Variants in PAQR7 observed in about 807,000 individuals in gnomAD.
PAQR7 encodes the protein progestin and adipoQ receptor family member 7, also known as membrane progestin receptor alpha.
In PAQR7, 14 loss-of-function variants were observed where a neutral mutation model predicts 24.6. The ratio of observed to expected loss-of-function variants is 0.57; its 90% CI spans 0.38 to 0.89. The LOEUF (loss-of-function observed/expected upper bound fraction) is 0.89, where lower values mean the gene tolerates loss of function less well. Ranked by LOEUF, PAQR7 falls within the 40% of genes least tolerant of loss-of-function variation. PAQR7 has a pLI of 0.00. For synonymous variants in PAQR7, 189 were observed against 198.8 expected (o/e 0.95, Z 0.42); for missense variants, 351 against 444.0 (o/e 0.79, Z 1.88).
In PAQR7 at chr1:25,863,239, G is replaced by T; in HGVS notation, c.601C>A (p.Leu201Met). ...GGCACCTCCTGGCATGTGCGGCCCA[G>T]CAGGCCTGGTTTCTGGATGTACTTG... ...YNKYIQKPGL[L>M]GRTCQEVPSV... Residue 201 changes from leucine to methionine, a missense_variant, in exon 3 of 3, where the codon CTG (leucine) becomes ATG (methionine). Transcript: ENST00000675840. The surrounding 1 kb of genome is among the most constrained non-coding windows in gnomAD (Gnocchi z 6.1). 6.2e-7 allele frequency: 1 copy of T among 1,614,252 alleles called. No homozygotes were observed.
rs536655473 is a variant in PAQR7, at chr1:25,862,012, CAAAAAAAAAAAAAAAA to C, written c.*771_*786del. Reference sequence around the variant, plus strand: ...CCTAGCCAACAAGAGCGAAACTCCTCAAAAAAAAAAAAAAAAAAAAAAAAAAAAAAAGCCTTTGTCA... The same window carrying C: ...CCTAGCCAACAAGAGCGAAACTCCTCAAAAAAAAAAAAAAAGCCTTTGTCA... On this transcript the variant is annotated 3_prime_UTR_variant, in exon 3 of 3. Transcript: ENST00000675840. 2.3e-4 allele frequency: 6 copies of C among 26,296 alleles called. No homozygotes were observed. The highest frequency in any genetic ancestry group is 7.8e-4 in the Admixed American group (1 of 1,276). 1.6% of individuals were successfully genotyped at this position (26,296 alleles called of 1,614,324 possible).
intron 1 of PAQR7, among the ~76,000 whole-genome samples, chr1:25,871,573 A>G (rs1301825791): frequency 2.6e-5 from 4 of 151,296 alleles, no homozygotes; most frequent in African/African-American, 9.7e-5. Flanking sequence ...CTCCCAATTC[A>G]TATTCCTCAA....
At chr1:25,873,998 C>T (rs2048625798) in intron 1 of PAQR7, among the ~76,000 whole-genome samples, 1 of 152,120 alleles carries the variant, frequency 6.6e-6, no homozygotes, top group Non-Finnish European at 1.5e-5. Flanking sequence ...ATTCTCCTGC[C>T]TCAGTCTCCT....
At chr1:25,866,249 C>T (rs2048556088) in intron 2 of PAQR7, among the ~76,000 whole-genome samples, 2 of 152,258 alleles carry the variant, frequency 1.3e-5, no homozygotes, top group Non-Finnish European at 2.9e-5. Context: ...TTATTCCCCA[C>T]CTAACCCCAA....
intron 2 of PAQR7, among the ~76,000 whole-genome samples, chr1:25,868,152 G>T (rs1315174815): frequency 6.6e-6 from 1 of 152,168 alleles, no homozygotes; most frequent in African/African-American, 2.4e-5. Flanking sequence ...ACCTTGGGGG[G>T]ACCAGAAAAG....
chr1:25,867,052 G>A (rs777857734), intron 2 of PAQR7, among the ~76,000 whole-genome samples: 3 of 151,880 alleles, frequency 2.0e-5, no homozygotes, highest in Non-Finnish European at 4.4e-5. Context: ...TTAAGATAGC[G>A]TCTTGCTCTG....
chr1:25,874,604 T>C (rs923387754), intron 1 of PAQR7, among the ~76,000 whole-genome samples: 1 of 152,110 alleles, frequency 6.6e-6, no homozygotes, highest in African/African-American at 2.4e-5. Context: ...TGGGTCCCTC[T>C]CTCCGATAGG....
chr1:25,873,570 A>G (rs993883810), intron 1 of PAQR7, among the ~76,000 whole-genome samples: 7 of 152,138 alleles, frequency 4.6e-5, no homozygotes, highest in Non-Finnish European at 2.9e-5. Context: ...TGTGATCAGA[A>G]TGAAATAAGT....
chr1:25,873,050 A>T (rs187590490), intron 1 of PAQR7, among the ~76,000 whole-genome samples: 104 of 152,298 alleles, frequency 6.8e-4, no homozygotes, highest in African/African-American at 2.4e-3. Context: ...AGGCCAGACC[A>T]ATGTTAATAC....
chr1:25,865,896 G>C lies in PAQR7; in HGVS notation c.-22-2035C>G, dbSNP rs1421498442. ...AGCTACTCCAGAGGCTGAGGCAGGA[G>C]AATTACTTGAACCAAGGAGGCGTAG... On this transcript the variant is annotated intron_variant, in intron 2 of 2. Coordinates refer to ENST00000675840, the MANE Select transcript of PAQR7 (RefSeq NM_178422.6). 3.3e-5 allele frequency among the ~76,000 whole-genome samples: 5 copies of C among 151,266 alleles called. No homozygotes were observed. In the East Asian group the frequency reaches 7.8e-4, roughly 24 times the overall value.
At chr1:25,870,929 TAGAACAA>T (rs1317399510) in intron 1 of PAQR7, 1 of 152,226 alleles carries the variant, frequency 6.6e-6, no homozygotes. Flanking sequence ...TTAAATTTAT[TAGAACAA>T]AGTTTTAGCT....
intron 2 of PAQR7, among the ~76,000 whole-genome samples, chr1:25,868,546 G>GA (rs2048576409): frequency 6.6e-6 from 1 of 151,394 alleles, no homozygotes; most frequent in African/African-American, 2.4e-5. Flanking sequence ...CTGTCTCTAT[G>GA]AAAAAATACA....
chr1:25,875,002 C>T lies in PAQR7; in HGVS notation c.-109+486G>A, dbSNP rs2048637355. ...TGGGCACCCATACCCCTTCCTGTCC[C>T]GGTCTCACCTACATTCCTCCTCCAG... On this transcript the variant is annotated intron_variant, in intron 1 of 2. Transcript: ENST00000675840. The surrounding 1 kb of genome is among the most constrained non-coding windows in gnomAD (Gnocchi z 5.4). Among the ~76,000 whole-genome samples the T allele has an allele frequency of 1.3e-5, 2 of 152,324 alleles. No individual in the cohort carries two copies. The highest frequency in any genetic ancestry group is 1.3e-4 in the Admixed American group (2 of 15,304).
chr1:25,871,574 T>C (rs1306852900), intron 1 of PAQR7, among the ~76,000 whole-genome samples: 1 of 151,704 alleles, frequency 6.6e-6, no homozygotes, highest in East Asian at 1.9e-4. Flanking sequence ...TCCCAATTCA[T>C]ATTCCTCAAC....
intron 2 of PAQR7, among the ~76,000 whole-genome samples, chr1:25,867,072 T>TTGGA (rs2048563202): frequency 6.6e-6 from 1 of 152,056 alleles, no homozygotes; most frequent in African/African-American, 2.4e-5. Context: ...GTCCCCCAGG[T>TTGGA]TGGAGCACAG....
At chr1:25,867,659 G>A (rs1266370315) in intron 2 of PAQR7, among the ~76,000 whole-genome samples, 1 of 152,182 alleles carries the variant, frequency 6.6e-6, no homozygotes, top group Non-Finnish European at 1.5e-5. Flanking sequence ...CAGTGGCACT[G>A]TGATCACCCC....
intron 1 of PAQR7, chr1:25,871,103 G>A (rs1278695811): frequency 6.6e-6 from 1 of 152,142 alleles, no homozygotes; most frequent in African/African-American, 2.4e-5. Context: ...GGGGCCTCAG[G>A]AAGTTCACTG....
intron 2 of PAQR7, among the ~76,000 whole-genome samples, chr1:25,865,917 C>T (rs1004822090): frequency 6.7e-6 from 1 of 148,616 alleles, no homozygotes; most frequent in African/African-American, 2.5e-5. Flanking sequence ...ACCAAGGAGG[C>T]GTAGGTTGCG....
At position 25,863,630 on chromosome 1, in the gene PAQR7, G is replaced by A. The variant is rs757664149; in HGVS notation, c.210C>T (p.Asn70=). The change falls in exon 3 of 3, where the codon AAC becomes AAT. Residue 70 remains asparagine, a synonymous_variant. Coordinates refer to ENST00000675840, the MANE Select transcript of PAQR7 (RefSeq NM_178422.6). This position sits in a 1 kb window ranked among gnomAD's most constrained non-coding sequence, Gnocchi z 6.1. The part of the protein sequence containing the change: ...FYFRTLFQQH[N]EAVNVWTHLL... ...GGTGGGTCCAGACATTCACGGCCTC[G>A]TTGTGCTGCTGGAACAGCGTGCGGA... is the stretch of plus-strand genomic sequence containing the variant. 3.9e-5 allele frequency: 63 copies of A among 1,614,058 alleles called. No individual in the cohort carries two copies. Among genetic ancestry groups the A allele is most frequent in the Non-Finnish European group, 4.8e-5 (57 of 1,180,032 alleles).
Sources: gnomAD v4.1 joint callset for allele counts (sites outside exome capture counted in the v4.1 genomes callset) on GRCh38, gnomAD v4.1.1 for gene constraint, Gnocchi (gnomAD v3.1) non-coding constraint, MANE v1.5 for transcripts, NCBI Gene and HGNC (gene_info 2026-07-23, HGNC 2026-07-21) for gene names.